Variants in SLC6A5 observed in about 807,000 individuals in gnomAD.
SLC6A5 encodes the protein solute carrier family 6 member 5, also known as sodium- and chloride-dependent glycine transporter 2.
A neutral mutation model predicts 90.5 loss-of-function variants in SLC6A5; 58 were observed. The ratio of observed to expected loss-of-function variants is 0.64; its 90% CI spans 0.52 to 0.80. The LOEUF (loss-of-function observed/expected upper bound fraction) is 0.80, where lower values mean the gene tolerates loss of function less well. Among genes scored for constraint, SLC6A5 ranks in the 30% least tolerant of loss-of-function variants. SLC6A5 has a pLI of 0.00. For synonymous variants in SLC6A5, 427 were observed against 401.4 expected (o/e 1.06, Z -0.76); for missense variants, 1,015 against 1,017.6 (o/e 1.00, Z 0.03).
intron 14 of SLC6A5, among the ~76,000 whole-genome samples, chr11:20,650,397 A>G (rs1022278972): frequency 1.3e-5 from 2 of 152,174 alleles, no homozygotes; most frequent in African/African-American, 4.8e-5. Context: ...GGCTGTTGCT[A>G]GCCCAAGTGT....
intron 2 of SLC6A5, among the ~76,000 whole-genome samples, chr11:20,602,881 G>A (rs1852506491): frequency 6.6e-6 from 1 of 152,218 alleles, no homozygotes; most frequent in Non-Finnish European, 1.5e-5. Flanking sequence ...GACCCCAGGT[G>A]GAGCAGAATA....
chr11:20,607,007 G>A lies in SLC6A5; in HGVS notation c.680G>A (p.Gly227Asp). The change falls in exon 4 of 16, where the codon GGT becomes GAT. Residue 227 changes from glycine (G) to aspartate (D), a missense_variant and splice_region_variant. This residue lies in a region of SLC6A5 where 567 missense variants were observed against 507.3 expected (regional missense o/e 1.12). Transcript: ENST00000525748. ...TCTCACTCCCCACTCTCTTTCCAAGGTGCTTTCCTCATCCCTTACCTGATG... is the reference window on the plus strand; with the variant it reads ...TCTCACTCCCCACTCTCTTTCCAAGATGCTTTCCTCATCCCTTACCTGATG... ...FPYLAFQNGG[G>D]AFLIPYLMML... 6.2e-7 allele frequency: 1 copy of A among 1,614,052 alleles called. No homozygotes were observed. The highest frequency in any genetic ancestry group is 8.5e-7 in the Non-Finnish European group (1 of 1,180,018).
chr11:20,658,520 G>A lies in SLC6A5; in HGVS notation c.*3652G>A, dbSNP rs1241275793. ...GAAAACTTCCAGGCTGGGAGCAAAGGTGTGGGTGATTCTGCCTTGATACTC... is the reference window on the plus strand; with the variant it reads ...GAAAACTTCCAGGCTGGGAGCAAAGATGTGGGTGATTCTGCCTTGATACTC... On this transcript the variant is annotated 3_prime_UTR_variant, in exon 16 of 16. Coordinates refer to ENST00000525748, the MANE Select transcript of SLC6A5 (RefSeq NM_004211.5). 6.6e-6 allele frequency: 1 copy of A among 152,144 alleles called. No individual in the cohort carries two copies. The highest frequency in any genetic ancestry group is 1.5e-5 in the Non-Finnish European group (1 of 68,026). The allele number at this position is 152,144 out of a possible 1,614,324, so 9.4% of individuals were successfully genotyped here. A position where few individuals can be genotyped will look rare whatever the true frequency, so the allele number is the denominator to read the frequency against.
chr11:20,650,115 C>T (rs991868287), intron 14 of SLC6A5, among the ~76,000 whole-genome samples: 1 of 152,088 alleles, frequency 6.6e-6, no homozygotes, highest in African/African-American at 2.4e-5. Context: ...TCCTTCCAAT[C>T]ACTTTTGCGC....
chr11:20,630,915 G>A (rs1170612455), intron 10 of SLC6A5, 100 bp downstream of exon 10: 98 of 1,397,186 alleles, frequency 7.0e-5, no homozygotes, highest in Admixed American at 1.1e-4. Flanking sequence ...TTCTGGAACA[G>A]GATAGAGGGT....
In SLC6A5 at chr11:20,634,330, C is replaced by G. The variant is rs116481761; in HGVS notation, c.1625-1977C>G. On this transcript the variant is annotated intron_variant, in intron 10 of 15. Coordinates refer to ENST00000525748, the MANE Select transcript of SLC6A5 (RefSeq NM_004211.5). ...TTATTCTCTAGATGACTCCGCTCCC[C>G]ATCTGCCTTGGGTAAGTGGAGTCTG... Among the ~76,000 whole-genome samples the G allele has an allele frequency of 5.4e-3, 827 of 152,328 alleles. 7 individuals carry two copies. The highest frequency in any genetic ancestry group is 0.019 in the African/African-American group (782 of 41,570).
intron 7 of SLC6A5, among the ~76,000 whole-genome samples, chr11:20,620,877 G>A (rs1319482109): frequency 6.6e-6 from 1 of 152,064 alleles, no homozygotes; most frequent in East Asian, 1.9e-4. Flanking sequence ...TTGGCTCACT[G>A]CAACCTCCAC....
chr11:20,646,702 G>A (rs1425894710), intron 13 of SLC6A5, 132 bp from the exon 14 acceptor site: 7 of 713,390 alleles, frequency 9.8e-6, no homozygotes, highest in Non-Finnish European at 1.3e-5. Flanking sequence ...CATAATAGAG[G>A]TCATGTTGAT....
In SLC6A5 at chr11:20,647,771, A is replaced by G. The variant is rs1853449157; in HGVS notation, c.2070+837A>G. On this transcript the variant is annotated intron_variant, in intron 14 of 15. Coordinates refer to ENST00000525748, the MANE Select transcript of SLC6A5 (RefSeq NM_004211.5). ...CATCTAATAATTATCAACAGCTTGGATTTGAACTTAGGCGGTCTGCCTCTA... is the reference window on the plus strand; with the variant it reads ...CATCTAATAATTATCAACAGCTTGGGTTTGAACTTAGGCGGTCTGCCTCTA... 3.3e-5 allele frequency among the ~76,000 whole-genome samples: 5 copies of G among 152,162 alleles called. No individual in the cohort carries two copies. The South Asian group carries it at 1.0e-3, about 32-fold the overall frequency.
chr11:20,642,920 G>A (rs1853341231), intron 13 of SLC6A5, among the ~76,000 whole-genome samples: 1 of 152,132 alleles, frequency 6.6e-6, no homozygotes, highest in Non-Finnish European at 1.5e-5. Flanking sequence ...TTTCACTCTT[G>A]GTCCCAGGAC....
intron 10 of SLC6A5, among the ~76,000 whole-genome samples, chr11:20,634,565 A>G (rs1853168090): frequency 6.6e-6 from 1 of 152,242 alleles, no homozygotes; most frequent in African/African-American, 2.4e-5. Flanking sequence ...GACTGTCGCC[A>G]GAACATTAAA....
In SLC6A5 at chr11:20,659,070, TA is replaced by T. The variant is rs1853670478; in HGVS notation, c.*4203del. On this transcript the variant is annotated 3_prime_UTR_variant, in exon 16 of 16. Coordinates refer to ENST00000525748, the MANE Select transcript of SLC6A5 (RefSeq NM_004211.5). ...ATGATGCATCATATATATATATATA[TA>T]TATATATATATCTTATAGATTACAT... 3 of 148,626 alleles carry T rather than the reference TA, an allele frequency of 2.0e-5. No individual in the cohort carries two copies. In the South Asian group the frequency reaches 6.3e-4, roughly 31 times the overall value. 9.2% of individuals were successfully genotyped at this position (148,626 alleles called of 1,614,324 possible). A position where few individuals can be genotyped will look rare whatever the true frequency, so the allele number is the denominator to read the frequency against.
chr11:20,650,507 C>T (rs940231014), intron 14 of SLC6A5, among the ~76,000 whole-genome samples: 10 of 151,984 alleles, frequency 6.6e-5, no homozygotes, highest in Non-Finnish European at 1.3e-4. Flanking sequence ...CCAGAAAACC[C>T]CTGTGTGGTA....
intron 9 of SLC6A5, 96 bp from the exon 10 acceptor site, chr11:20,630,595 A>C (rs1853089311): frequency 2.1e-6 from 3 of 1,400,876 alleles, no homozygotes; most frequent in Admixed American, 1.7e-5. Context: ...ACACATGTGC[A>C]GACAAACATG....
At chr11:20,639,637 T>A (rs1054308314) in intron 13 of SLC6A5, among the ~76,000 whole-genome samples, 4 of 152,194 alleles carry the variant, frequency 2.6e-5, no homozygotes, top group African/African-American at 9.6e-5. Flanking sequence ...AATGTAATTG[T>A]TAGCCTCCAC....
At position 20,614,697 on chromosome 11, in the gene SLC6A5, A is replaced by T. The variant is rs1260635121; in HGVS notation, c.1004A>T (p.Asp335Val). ...TAAACAGATTCCTGTGTTATCAGTGACCATCCCAAAATACAGATCAAGAAC... is the reference window on the plus strand; with the variant it reads ...TAAACAGATTCCTGTGTTATCAGTGTCCATCCCAAAATACAGATCAAGAAC... ...KLLLDSCVISDHPKIQIKNST... is the reference protein window; with the variant it reads ...KLLLDSCVISVHPKIQIKNST... Residue 335 changes from aspartate to valine, a missense_variant, in exon 6 of 16, where the codon GAC (aspartate) becomes GTC (valine). Physicochemically the swap from Asp to Val is radical, Grantham distance 152. Transcript: ENST00000525748. 6.2e-7 allele frequency: 1 copy of T among 1,614,016 alleles called. No individual in the cohort carries two copies. The highest frequency in any genetic ancestry group is 8.5e-7 in the Non-Finnish European group (1 of 1,179,850).
chr11:20,646,377 G>T (rs187363120), intron 13 of SLC6A5, among the ~76,000 whole-genome samples: 1 of 152,294 alleles, frequency 6.6e-6, no homozygotes, highest in African/African-American at 2.4e-5. Flanking sequence ...GGCTTTGGGA[G>T]GGTGGGGGAT....
chr11:20,628,087 T>G lies in SLC6A5; in HGVS notation c.1499+4T>G. 6.2e-7 allele frequency: 1 copy of G among 1,608,768 alleles called. No individual in the cohort carries two copies. Among genetic ancestry groups the G allele is most frequent in the Non-Finnish European group, 8.5e-7 (1 of 1,175,146 alleles). ...AATTCCACAACAACTGCTACAGGTA[T>G]GTAGAGGTACTACAAGATCTGGGCA... On this transcript the variant is annotated splice_donor_region_variant and intron_variant, in intron 9 of 15. Transcript: ENST00000525748.
rs1304343687 is a variant in SLC6A5, at chr11:20,655,211, CA to C, written c.*344del. The C allele has an allele frequency of 1.0e-4, 37 of 367,012 alleles. 1 individual carries two copies. The East Asian group carries it at 2.3e-3, about 23-fold the overall frequency. 22.7% of individuals were successfully genotyped at this position (367,012 alleles called of 1,614,324 possible). On this transcript the variant is annotated 3_prime_UTR_variant, in exon 16 of 16. Transcript: ENST00000525748. ...TAGAGAGGTATCCACTGTGTGATGG[CA>C]TGGGGGGTGCCAGTAAGGCATGTAT...
Sources: gnomAD v4.1 joint callset for allele counts (sites outside exome capture counted in the v4.1 genomes callset) on GRCh38, gnomAD v4.1.1 for gene constraint, gnomAD v4.1.1 regional missense constraint, MANE v1.5 for transcripts, NCBI Gene and HGNC (gene_info 2026-07-23, HGNC 2026-07-21) for gene names.